CAPZA2: variants seen among roughly 807,000 people sequenced by gnomAD.
CAPZA2 encodes F-actin-capping protein subunit alpha-2.
In CAPZA2, 13 loss-of-function variants were observed where a neutral mutation model predicts 44.0. The ratio of observed to expected loss-of-function variants is 0.30; its 90% CI spans 0.19 to 0.47. The LOEUF (loss-of-function observed/expected upper bound fraction) is 0.47. CAPZA2 is among the 20% of genes least tolerant of loss of function. The pLI is 1.00. For missense variants in CAPZA2, 244 were observed against 338.6 expected (o/e 0.72, Z 2.19); for synonymous variants, 94 against 108.2 (o/e 0.87, Z 0.81).
At chr7:116,908,990 G>A (rs946207222) in intron 6 of CAPZA2, among the ~76,000 whole-genome samples, 54 of 151,974 alleles carry the variant, frequency 3.6e-4, no homozygotes, top group African/African-American at 1.3e-3. Flanking sequence ...GAAGTCTTTT[G>A]GATTTCAAAT....
At chr7:116,890,836 G>GAT (rs1238746554) in intron 2 of CAPZA2, among the ~76,000 whole-genome samples, 1 of 140,118 alleles carries the variant, frequency 7.1e-6, no homozygotes, top group Non-Finnish European at 1.5e-5. Flanking sequence ...AGGTAAATAT[G>GAT]ATATGAATGT....
At chr7:116,904,968 T>TGAAAAAAA (rs1791470760) in intron 5 of CAPZA2, among the ~76,000 whole-genome samples, 1 of 88,922 alleles carries the variant, frequency 1.1e-5, no homozygotes, top group Non-Finnish European at 2.5e-5. Context: ...CTGTCTCTAC[T>TGAAAAAAA]TAAAAAAAAA....
At chr7:116,866,125 TA>T (rs1267675849) in intron 1 of CAPZA2, among the ~76,000 whole-genome samples, 2 of 152,304 alleles carry the variant, frequency 1.3e-5, no homozygotes, top group Middle Eastern at 3.4e-3. Flanking sequence ...GAAATAAATT[TA>T]GCTGAAGAAC....
chr7:116,901,909 G>GTGTGTGTGTA (rs1486160750), intron 4 of CAPZA2, among the ~76,000 whole-genome samples: 2 of 150,840 alleles, frequency 1.3e-5, no homozygotes, highest in African/African-American at 2.4e-5. Flanking sequence ...GTGTGTGTGT[G>GTGTGTGTGTA]TGTATGTGTG....
Position 116,919,239 on chromosome 7 carries a change from G to C in CAPZA2, c.*1372G>C, listed in dbSNP as rs530272068. On this transcript the variant is annotated 3_prime_UTR_variant, in exon 10 of 10. Coordinates refer to ENST00000361183, the MANE Select transcript of CAPZA2 (RefSeq NM_006136.3). ...CACTGTTGGGCTTTGAAAGCATTGA[G>C]AATATAATATGAAATTATGACATTT... The C allele has an allele frequency of 6.6e-6, 1 of 152,434 alleles. No homozygotes were observed. Among genetic ancestry groups the C allele is most frequent in the South Asian group, 2.1e-4 (1 of 4,812 alleles). The allele number at this position is 152,434 out of a possible 1,614,324, so 9.4% of individuals were successfully genotyped here. A position where few individuals can be genotyped will look rare whatever the true frequency, so the allele number is the denominator to read the frequency against.
At chr7:116,915,767 A>G (rs1439505163) in intron 8 of CAPZA2, 1 of 188,366 alleles carries the variant, frequency 5.3e-6, no homozygotes, top group Non-Finnish European at 1.1e-5. Flanking sequence ...AAGGTTGTCT[A>G]TTGGAATGCA....
intron 3 of CAPZA2, among the ~76,000 whole-genome samples, chr7:116,895,563 A>T (rs1406122609): frequency 1.3e-5 from 2 of 152,140 alleles, no homozygotes; most frequent in Admixed American, 1.3e-4. Context: ...ATTGTGATAA[A>T]ATATGATGCT....
At chr7:116,916,218 T>C in intron 9 of CAPZA2, 96 bp downstream of exon 9, 1 of 1,256,938 alleles carries the variant, frequency 8.0e-7, no homozygotes, top group Non-Finnish European at 1.1e-6. Flanking sequence ...TTCCATTGCA[T>C]CAGTTAGAGT....
At chr7:116,912,270 A>T in intron 8 of CAPZA2, 130 bp downstream of exon 8, 1 of 1,391,394 alleles carries the variant, frequency 7.2e-7, no homozygotes. Context: ...AAGATAAGTA[A>T]TTGCAAACCT....
intron 1 of CAPZA2, among the ~76,000 whole-genome samples, chr7:116,876,699 A>T (rs1796626699): frequency 6.6e-6 from 1 of 152,156 alleles, no homozygotes; most frequent in Non-Finnish European, 1.5e-5. Context: ...CCTCCTCTTC[A>T]TTCCATTGGT....
At chr7:116,874,639 T>C (rs1796598306) in intron 1 of CAPZA2, 1 of 152,220 alleles carries the variant, frequency 6.6e-6, no homozygotes, top group African/African-American at 2.4e-5. Flanking sequence ...AAGCAGCATC[T>C]CCTGACACTT....
At chr7:116,897,068 A>G (rs1043142437) in intron 3 of CAPZA2, among the ~76,000 whole-genome samples, 10 of 151,902 alleles carry the variant, frequency 6.6e-5, no homozygotes, top group Non-Finnish European at 8.8e-5. Flanking sequence ...CAGATTTCCT[A>G]TTTTTCCTTT....
At chr7:116,894,697 C>A (rs1367057006) in intron 3 of CAPZA2, among the ~76,000 whole-genome samples, 1 of 152,110 alleles carries the variant, frequency 6.6e-6, no homozygotes, top group Non-Finnish European at 1.5e-5. Context: ...AACCATTATT[C>A]AACTACCTAT....
At position 116,869,572 on chromosome 7, in the gene CAPZA2, C is replaced by T. The variant is rs553758898; in HGVS notation, c.39+6922C>T. ...ATGGGTTGTAATATTTCATTGGTAG[C>T]GTTTTTCCTTGTTTAGTGGTACATA... On this transcript the variant is annotated intron_variant, in intron 1 of 9. Coordinates refer to ENST00000361183, the MANE Select transcript of CAPZA2 (RefSeq NM_006136.3). Among the ~76,000 whole-genome samples, 4 of 152,256 alleles carry T rather than the reference C, an allele frequency of 2.6e-5. No individual in the cohort carries two copies. The South Asian group carries it at 6.2e-4, about 24-fold the overall frequency.
chr7:116,898,677 G>C (rs1344024870), intron 3 of CAPZA2, 95 bp from the exon 4 acceptor site: 1 of 694,668 alleles, frequency 1.4e-6, no homozygotes, highest in Admixed American at 2.7e-5. Context: ...GTGCAATGTA[G>C]GAGGAGACTT....
intron 2 of CAPZA2, among the ~76,000 whole-genome samples, chr7:116,890,613 C>T (rs1297362284): frequency 4.4e-5 from 3 of 68,954 alleles, no homozygotes; most frequent in African/African-American, 1.3e-4. Flanking sequence ...CACACACACA[C>T]ATATATACAA....
intron 6 of CAPZA2, 152 bp from the exon 7 acceptor site, chr7:116,910,080 AT>A: frequency 1.5e-6 from 1 of 655,132 alleles, no homozygotes; most frequent in Middle Eastern, 3.8e-4. Flanking sequence ...TAACCTTTTG[AT>A]TATTTTTGAC....
chr7:116,877,257 A>G (rs1796634511), intron 1 of CAPZA2, among the ~76,000 whole-genome samples: 1 of 152,188 alleles, frequency 6.6e-6, no homozygotes, highest in African/African-American at 2.4e-5. Context: ...ATATACCAAG[A>G]AGTTTTTAAT....
At chr7:116,863,872 G>A (rs1249153063) in intron 1 of CAPZA2, among the ~76,000 whole-genome samples, 2 of 152,134 alleles carry the variant, frequency 1.3e-5, no homozygotes, top group African/African-American at 2.4e-5. Flanking sequence ...TATATGCTGT[G>A]TTCTTGCACC....
Sources: allele counts gnomAD v4.1 joint callset (sites outside exome capture counted in the v4.1 genomes callset), GRCh38; gene constraint gnomAD v4.1.1; transcripts MANE v1.5; gene names NCBI Gene and HGNC (gene_info 2026-07-23, HGNC 2026-07-21).